The following CHD1L variants were observed in gnomAD, a reference collection of about 807,000 sequenced individuals.
CHD1L encodes ATP-dependent chromatin remodeler CHD1L.
Under a neutral mutation model 115.9 loss-of-function variants are expected in CHD1L, and 118 were observed. That is an observed-to-expected ratio of 1.02 (90% CI 0.88 to 1.19). The LOEUF is 1.19. Ranked by LOEUF, CHD1L falls within the 50% of genes most tolerant of loss-of-function variation. The pLI is 0.00. For synonymous variants in CHD1L, 411 were observed against 387.1 expected (o/e 1.06, Z -0.72); for missense variants, 1,179 against 1,065.3 (o/e 1.11, Z -1.49).
chr1:147,251,807 A>G (rs1440872400), intron 1 of CHD1L, among the ~76,000 whole-genome samples: 2 of 152,204 alleles, frequency 1.3e-5, no homozygotes, highest in Admixed American at 6.5e-5. Context: ...CTGGGATTAC[A>G]GGCGTGAGAT....
At chr1:147,179,429 A>G in the CHD1L span, 5 of 1,594,756 alleles carry the variant, frequency 3.1e-6, no homozygotes, top group African/African-American at 1.3e-5. Context: ...GCCACAGCCA[A>G]TGATGTGCCT....
chr1:147,266,073 T>C lies in CHD1L; in HGVS notation c.881T>C (p.Leu294Ser). ...ALQKKYYKAI[L>S]MKDLDAFENE... ...CAGAAGAAATACTACAAGGCCATTT[T>C]GATGAAAGACCTAGGTAATCAGAGG... Residue 294 changes from leucine to serine, a missense_variant, in exon 8 of 23, where the codon TTG (leucine) becomes TCG (serine). Transcript: ENST00000369258. 6.2e-7 allele frequency: 1 copy of C among 1,611,058 alleles called. No individual in the cohort carries two copies. Among genetic ancestry groups the C allele is most frequent in the Non-Finnish European group, 8.5e-7 (1 of 1,178,948 alleles).
the CHD1L span, chr1:147,179,092 G>C: frequency 6.2e-7 from 1 of 1,614,044 alleles, no homozygotes; most frequent in Non-Finnish European, 8.5e-7. Flanking sequence ...TCCTGTTGTT[G>C]CTATCAGAAC....
the CHD1L span, among the ~76,000 whole-genome samples, chr1:147,221,122 A>G: frequency 3.3e-5 from 5 of 152,128 alleles, no homozygotes; most frequent in Non-Finnish European, 7.4e-5. Context: ...CCCCAAAACT[A>G]TCAAGGGCAT....
the CHD1L span, among the ~76,000 whole-genome samples, chr1:147,185,136 T>TCTTA: frequency 0.037 from 5,578 of 151,808 alleles, 146 homozygotes; most frequent in South Asian, 0.096. Context: ...CTTGTTCACA[T>TCTTA]CTTTTAGCTT....
At chr1:147,193,631 C>G in the CHD1L span, among the ~76,000 whole-genome samples, 4 of 152,078 alleles carry the variant, frequency 2.6e-5, no homozygotes, top group Non-Finnish European at 5.9e-5. Flanking sequence ...CCTGCTTTCT[C>G]TTGTGGGCAT....
chr1:147,239,758 C>T (rs887317283), upstream of CHD1L, among the ~76,000 whole-genome samples: 19 of 152,192 alleles, frequency 1.2e-4, no homozygotes, highest in African/African-American at 4.6e-4. Context: ...ATAGCTAGGA[C>T]TCTATCATCT....
At chr1:147,267,397 C>T (rs781789389) in intron 8 of CHD1L, 29 bp from the exon 9 acceptor site, 112 of 1,562,608 alleles carry the variant, frequency 7.2e-5, no homozygotes, top group Non-Finnish European at 9.5e-5. Flanking sequence ...CCATCTCTTT[C>T]TGTCTCTCTC....
chr1:147,286,515 A>G lies in CHD1L; in HGVS notation c.2221+15A>G. ...GCACTGCGTAGGTACGAGAAGTGGT[A>G]TGGGCTGGGGATGGGGGCCTCAGTC... On this transcript the variant is annotated intron_variant, in intron 18 of 22. Transcript: ENST00000369258. 6.2e-7 allele frequency: 1 copy of G among 1,612,084 alleles called. No homozygotes were observed. The highest frequency in any genetic ancestry group is 1.7e-5 in the Admixed American group (1 of 59,998).
the CHD1L span, among the ~76,000 whole-genome samples, chr1:147,209,437 CAAAAAAAAA>C: frequency 4.5e-5 from 5 of 109,900 alleles, no homozygotes; most frequent in African/African-American, 1.4e-4. Context: ...GACTCCGTCT[CAAAAAAAAA>C]AAAAAAAAGA....
At chr1:147,238,101 T>A (rs1664642400), upstream of CHD1L, among the ~76,000 whole-genome samples, 1 of 152,242 alleles carries the variant, frequency 6.6e-6, no homozygotes, top group African/African-American at 2.4e-5. Context: ...TGTTATTTCA[T>A]GACAAAGAGG....
the CHD1L span, among the ~76,000 whole-genome samples, chr1:147,198,989 A>T: frequency 2.6e-5 from 4 of 152,082 alleles, no homozygotes; most frequent in Non-Finnish European, 5.9e-5. Context: ...AACTTGATAT[A>T]GTTTTGAAGG....
the CHD1L span, among the ~76,000 whole-genome samples, chr1:147,219,225 A>G: frequency 4.6e-5 from 7 of 152,326 alleles, no homozygotes; most frequent in East Asian, 1.3e-3. Flanking sequence ...TTTACATTCT[A>G]ATCACCAAAT....
intron 9 of CHD1L, 24 bp downstream of exon 9, chr1:147,267,542 A>C (rs1674431284): frequency 6.4e-7 from 1 of 1,565,060 alleles, no homozygotes; most frequent in Admixed American, 1.8e-5. Context: ...TTTTCCCCCC[A>C]CATTATTCTT....
At chr1:147,290,058 G>A (rs1358970430) in intron 19 of CHD1L, among the ~76,000 whole-genome samples, 1 of 152,172 alleles carries the variant, frequency 6.6e-6, no homozygotes, top group Non-Finnish European at 1.5e-5. Flanking sequence ...CCAATAGACA[G>A]GGTCTGTAAA....
chr1:147,228,655 A>G, the CHD1L span, among the ~76,000 whole-genome samples: 1 of 152,128 alleles, frequency 6.6e-6, no homozygotes, highest in Non-Finnish European at 1.5e-5. Flanking sequence ...ATTTCTCCAC[A>G]TCCTCTCCAG....
intron 15 of CHD1L, among the ~76,000 whole-genome samples, chr1:147,282,798 C>A (rs1449893408): frequency 1.3e-5 from 2 of 152,176 alleles, no homozygotes; most frequent in African/African-American, 4.8e-5. Context: ...AATTATATTT[C>A]TCAGTCAATC....
chr1:147,213,413 C>A, the CHD1L span: 1 of 1,613,662 alleles, frequency 6.2e-7, no homozygotes, highest in Non-Finnish European at 8.5e-7. Flanking sequence ...TCAGTGACCA[C>A]TTCCCATTGG....
chr1:147,247,427 T>C (rs1666970148), intron 1 of CHD1L, among the ~76,000 whole-genome samples: 1 of 152,060 alleles, frequency 6.6e-6, no homozygotes, highest in Non-Finnish European at 1.5e-5. Context: ...GAAAGCTGGT[T>C]GTTAAAAAGA....
Sources: gnomAD v4.1 joint callset for allele counts (sites outside exome capture counted in the v4.1 genomes callset) on GRCh38, gnomAD v4.1.1 for gene constraint, MANE v1.5 for transcripts, NCBI Gene and HGNC (gene_info 2026-07-23, HGNC 2026-07-21) for gene names.